Variants in TRPM3 observed in about 807,000 individuals in gnomAD.
The protein encoded by TRPM3 is transient receptor potential cation channel subfamily M member 3, also known as long transient receptor potential channel 3.
In TRPM3, 77 loss-of-function variants were observed where a neutral mutation model predicts 181.2. The ratio of observed to expected loss-of-function variants is 0.42; its 90% CI spans 0.35 to 0.51. The LOEUF (loss-of-function observed/expected upper bound fraction) is 0.51. Ranked by LOEUF, TRPM3 falls within the 20% of genes least tolerant of loss-of-function variation. The pLI is 0.01. For missense variants in TRPM3, 1,759 were observed against 2,196.7 expected, an observed-to-expected ratio of 0.80 and a Z score of 3.98; for synonymous variants, 745 against 796.4, an observed-to-expected ratio of 0.94 and a Z score of 1.09.
rs1447295970 is a variant in TRPM3 at position 71,427,361 on chromosome 9, T to A, written c.183+19292A>T. Among the ~76,000 whole-genome samples the A allele has an allele frequency of 3.3e-5, 5 of 152,268 alleles. No homozygotes were observed. The East Asian group carries it at 9.6e-4, about 29-fold the overall frequency. On this transcript the variant is annotated intron_variant, in intron 1 of 24. Transcript: ENST00000357533. ...CACACCACACTTCAGCTGTATTTAT[T>A]TAGAAAATCCAGAGGATGGGACCCA...
At chr9:71,229,908 C>T (rs975142806) in intron 1 of TRPM3, among the ~76,000 whole-genome samples, 1 of 152,048 alleles carries the variant, frequency 6.6e-6, no homozygotes. Context: ...AGAACTACCA[C>T]CTGATCCAGC....
chr9:71,177,263 T>C (rs2077152225), intron 1 of TRPM3, among the ~76,000 whole-genome samples: 2 of 152,038 alleles, frequency 1.3e-5, no homozygotes, highest in South Asian at 4.2e-4. Context: ...TTATGATGAG[T>C]TGTATAATTA....
At chr9:70,650,567 C>G (rs1393376819) in intron 9 of TRPM3, among the ~76,000 whole-genome samples, 2 of 151,984 alleles carry the variant, frequency 1.3e-5, no homozygotes, top group Admixed American at 1.3e-4. Flanking sequence ...AAATTATGTA[C>G]TTATATTTTA....
intron 1 of TRPM3, among the ~76,000 whole-genome samples, chr9:70,881,051 C>T (rs988232304): frequency 1.3e-5 from 2 of 152,020 alleles, no homozygotes; most frequent in African/African-American, 2.4e-5. Flanking sequence ...ATCCTGGATT[C>T]TTTTTTTAAA....
chr9:70,578,564 G>A (rs1034844057), intron 22 of TRPM3, among the ~76,000 whole-genome samples: 2 of 152,212 alleles, frequency 1.3e-5, no homozygotes, highest in Admixed American at 6.5e-5. Context: ...CTAAGTGCCC[G>A]ATGTCCTAAC....
chr9:71,327,689 G>C (rs2089796885), intron 1 of TRPM3, among the ~76,000 whole-genome samples: 2 of 152,306 alleles, frequency 1.3e-5, no homozygotes, highest in Middle Eastern at 3.4e-3. Context: ...CTGTTCAAAA[G>C]AAGTTTCCTT....
intron 1 of TRPM3, among the ~76,000 whole-genome samples, chr9:71,241,599 A>G (rs2081688461): frequency 6.6e-6 from 1 of 152,118 alleles, no homozygotes; most frequent in African/African-American, 2.4e-5. Context: ...ATACGTATGT[A>G]ACTAACCTGC....
chr9:70,634,426 T>G (rs1293232647), intron 12 of TRPM3, among the ~76,000 whole-genome samples: 1 of 152,224 alleles, frequency 6.6e-6, no homozygotes, highest in Non-Finnish European at 1.5e-5. Flanking sequence ...AATAATAAAA[T>G]AATAATTCTA....
At chr9:71,214,451 T>C (rs1384450506) in intron 1 of TRPM3, among the ~76,000 whole-genome samples, 1 of 152,170 alleles carries the variant, frequency 6.6e-6, no homozygotes, top group Admixed American at 6.5e-5. Flanking sequence ...CATTCAAATA[T>C]TTACAGCAGC....
chr9:70,889,491 C>T (rs2096157451), intron 1 of TRPM3, among the ~76,000 whole-genome samples: 1 of 152,152 alleles, frequency 6.6e-6, no homozygotes, highest in Admixed American at 6.5e-5. Flanking sequence ...TCCTCCAACC[C>T]CCTGACCATC....
intron 6 of TRPM3, among the ~76,000 whole-genome samples, chr9:70,801,326 C>T (rs1045160182): frequency 3.3e-5 from 5 of 152,240 alleles, no homozygotes; most frequent in African/African-American, 1.2e-4. Flanking sequence ...GTTGCCCCTC[C>T]CTGGTTTCCT....
Position 70,536,960 on chromosome 9 carries a change from C to T in TRPM3, c.4153G>A (p.Val1385Ile), listed in dbSNP as rs1195352781. 3 of 1,614,054 alleles carry T rather than the reference C, an allele frequency of 1.9e-6. No individual in the cohort carries two copies. The highest frequency in any genetic ancestry group is 4.5e-5 in the East Asian group (2 of 44,872). The change falls in exon 26 of 26, where the codon GTA becomes ATA. Residue 1385 changes from valine (V) to isoleucine (I), a missense_variant. Physicochemically the swap from Val to Ile is conservative, Grantham distance 29 (BLOSUM62 3). Transcript: ENST00000677713. ...SLHRATSSHS[V>I]AKEPKAPAAP... is the part of the protein sequence containing the mutation. ...GCAGGAGCTTTGGGTTCTTTTGCTA[C>T]AGAGTGGGAACTAGTAGCCCGGTGT... is the stretch of plus-strand genomic sequence containing the variant.
chr9:71,283,682 A>G (rs186852973), intron 1 of TRPM3, among the ~76,000 whole-genome samples: 1 of 152,200 alleles, frequency 6.6e-6, no homozygotes, highest in Non-Finnish European at 1.5e-5. Flanking sequence ...GTTGGTGGGC[A>G]CTTGGGTATC....
chr9:71,275,822 T>C (rs1254121983), intron 1 of TRPM3, among the ~76,000 whole-genome samples: 2 of 150,992 alleles, frequency 1.3e-5, no homozygotes, highest in Non-Finnish European at 2.9e-5. Flanking sequence ...GTTCATAATG[T>C]AGATCAATGG....
intron 1 of TRPM3, among the ~76,000 whole-genome samples, chr9:70,988,507 G>C (rs756286844): frequency 2.0e-5 from 3 of 152,130 alleles, no homozygotes; most frequent in Non-Finnish European, 4.4e-5. Flanking sequence ...CTAGGTGAGC[G>C]TCCACTGTAT....
intron 9 of TRPM3, among the ~76,000 whole-genome samples, chr9:70,641,420 G>C (rs532472903): frequency 6.6e-6 from 1 of 152,088 alleles, no homozygotes; most frequent in Non-Finnish European, 1.5e-5. Flanking sequence ...ATCAACTAGC[G>C]TACCAACTTG....
Position 70,537,385 on chromosome 9 carries a change from C to T in TRPM3, c.3728G>A (p.Arg1243Gln), listed in dbSNP as rs2042056063. 6 of 1,484,850 alleles carry T rather than the reference C, an allele frequency of 4.0e-6. No homozygotes were observed. Among genetic ancestry groups the T allele is most frequent in the East Asian group, 4.6e-5 (2 of 43,104 alleles). The allele number at this position is 1,484,850 out of a possible 1,614,324, so 92.0% of individuals were successfully genotyped here. ...CTCTCTCTCGTTGACTTCCTCCAGCCGCATAGACATGTTCTCCACCCTGCG... is the reference window on the plus strand; with the variant it reads ...CTCTCTCTCGTTGACTTCCTCCAGCTGCATAGACATGTTCTCCACCCTGCG... Reference protein sequence around the residue: ...TSERVENMSMRLEEVNEREHS... With the variant: ...TSERVENMSMQLEEVNEREHS... Residue 1243 changes from arginine (R) to glutamine (Q), a missense_variant, in exon 26 of 26, where the codon CGG (arginine) becomes CAG (glutamine). Arg to Gln is a conservative substitution (Grantham distance 43, BLOSUM62 1). Coordinates refer to ENST00000677713, the MANE Select transcript of TRPM3 (RefSeq NM_001366145.2).
intron 25 of TRPM3, among the ~76,000 whole-genome samples, chr9:70,547,469 G>T (rs2045298789): frequency 6.6e-6 from 1 of 150,872 alleles, no homozygotes; most frequent in Non-Finnish European, 1.5e-5. Context: ...TGCATCCCAT[G>T]GTGTTTCTGT....
chr9:71,205,677 A>G (rs1419742640), intron 1 of TRPM3, among the ~76,000 whole-genome samples: 1 of 152,232 alleles, frequency 6.6e-6, no homozygotes, highest in Non-Finnish European at 1.5e-5. Context: ...TGAATTATCT[A>G]CTATGTAGTC....
Sources: allele counts gnomAD v4.1 joint callset (sites outside exome capture counted in the v4.1 genomes callset), GRCh38; gene constraint gnomAD v4.1.1; transcripts MANE v1.5; gene names NCBI Gene and HGNC (gene_info 2026-07-23, HGNC 2026-07-21).